Variants in FAM120B observed in about 807,000 individuals in gnomAD.
FAM120B encodes constitutive coactivator of peroxisome proliferator-activated receptor gamma.
Under a neutral mutation model 96.3 loss-of-function variants are expected in FAM120B, and 83 were observed. The ratio of observed to expected loss-of-function variants is 0.86; its 90% CI spans 0.72 to 1.03. The LOEUF (loss-of-function observed/expected upper bound fraction) is 1.03. Ranked by LOEUF, FAM120B falls within the 50% of genes least tolerant of loss-of-function variation. FAM120B has a pLI of 0.00. For synonymous variants in FAM120B, 407 were observed against 402.7 expected, an observed-to-expected ratio of 1.01 and a Z score of -0.13; for missense variants, 1,027 against 1,121.2, an observed-to-expected ratio of 0.92 and a Z score of 1.20.
At position 170,322,028 on chromosome 6, in the gene FAM120B, T is replaced by G. The variant is rs537070807; in HGVS notation, c.1735-1051T>G. ...AATCTAGATGAACTTATTCTCACAG[T>G]AATAAGAATGTTCTTCACTGGAAGG... On this transcript the variant is annotated intron_variant, in intron 2 of 10. Transcript: ENST00000476287. Among the ~76,000 whole-genome samples, 10 of 152,340 alleles carry G rather than the reference T, an allele frequency of 6.6e-5. No homozygotes were observed. In the East Asian group the frequency reaches 1.9e-3, roughly 29 times the overall value.
chr6:170,296,739 G>C (rs2114975685), intron 1 of FAM120B, among the ~76,000 whole-genome samples: 1 of 152,174 alleles, frequency 6.6e-6, no homozygotes, highest in Admixed American at 6.5e-5. Flanking sequence ...GCCAGGAGGT[G>C]CTGCAGGAGC....
intron 1 of FAM120B, among the ~76,000 whole-genome samples, chr6:170,315,118 G>T (rs1324399402): frequency 5.9e-5 from 9 of 152,266 alleles, no homozygotes; most frequent in Non-Finnish European, 1.3e-4. Flanking sequence ...CTGTCCAGGG[G>T]CTCTCCTGGG....
intron 6 of FAM120B, among the ~76,000 whole-genome samples, chr6:170,376,600 G>A (rs1789534129): frequency 1.3e-5 from 2 of 152,136 alleles, no homozygotes; most frequent in South Asian, 4.1e-4. Context: ...GTACCCACTG[G>A]GCCTGAACCT....
In FAM120B at chr6:170,404,932, TTTTGTTGGCTTCTCTC is replaced by T. The variant is rs1778754047; in HGVS notation, c.*182_*197del. On this transcript the variant is annotated 3_prime_UTR_variant, in exon 11 of 11. Transcript: ENST00000476287. ...TCTCCCTCCCATTGTGCAGAAGAGC[TTTTGTTGGCTTCTCTC>T]CCGAGCTTGTGCCTGATTCTGTGGC... 1 of 278,576 alleles carries T rather than the reference TTTTGTTGGCTTCTCTC, an allele frequency of 3.6e-6. No individual in the cohort carries two copies. Among genetic ancestry groups the T allele is most frequent in the Non-Finnish European group, 6.7e-6 (1 of 149,088 alleles). The allele number at this position is 278,576 out of a possible 1,614,324, so 17.3% of individuals were successfully genotyped here.
In FAM120B at chr6:170,399,816, G is replaced by A. The variant is rs4710808; in HGVS notation, c.2692+4237G>A. 7.4e-4 allele frequency among the ~76,000 whole-genome samples: 47 copies of A among 63,268 alleles called. 2 individuals are homozygous for A. Among genetic ancestry groups the A allele is most frequent in the Non-Finnish European group, 1.1e-3 (34 of 30,338 alleles). 41.5% of individuals were successfully genotyped at this position (63,268 alleles called of 152,430 possible). ...TGAGGAAGGTAGAACTATGTCATAAGCCTTAGGAGTGAGTGGGGAAGGTAG... is the reference window on the plus strand; with the variant it reads ...TGAGGAAGGTAGAACTATGTCATAAACCTTAGGAGTGAGTGGGGAAGGTAG... On this transcript the variant is annotated intron_variant, in intron 9 of 10. Coordinates refer to ENST00000476287, the MANE Select transcript of FAM120B (RefSeq NM_032448.3).
chr6:170,316,449 C>T (rs551840423), intron 1 of FAM120B, among the ~76,000 whole-genome samples: 2 of 152,308 alleles, frequency 1.3e-5, no homozygotes, highest in Non-Finnish European at 1.5e-5. Context: ...AATGTCAGCA[C>T]GGAGTTTTTC....
intron 6 of FAM120B, among the ~76,000 whole-genome samples, chr6:170,379,973 A>G (rs1789808538): frequency 2.0e-5 from 3 of 152,136 alleles, no homozygotes; most frequent in Admixed American, 2.0e-4. Flanking sequence ...CATCCCACAT[A>G]ACTGCAACTC....
intron 9 of FAM120B, among the ~76,000 whole-genome samples, chr6:170,400,339 A>C (rs912047044): frequency 6.6e-6 from 1 of 152,090 alleles, no homozygotes; most frequent in African/African-American, 2.4e-5. Context: ...ATCATCAAGA[A>C]CATGCCCCAT....
At chr6:170,327,259 G>A (rs1785654387) in intron 3 of FAM120B, among the ~76,000 whole-genome samples, 1 of 151,768 alleles carries the variant, frequency 6.6e-6, no homozygotes, top group Non-Finnish European at 1.5e-5. Flanking sequence ...TGTTAGCCAG[G>A]ATGATCTCGA....
chr6:170,353,455 A>T (rs1318250762), intron 5 of FAM120B, among the ~76,000 whole-genome samples: 1 of 152,214 alleles, frequency 6.6e-6, no homozygotes, highest in Non-Finnish European at 1.5e-5. Context: ...AAAGAAAGAA[A>T]ACTTCAGGCC....
rs1790310803 is a variant in FAM120B, at chr6:170,388,377, T to C, written c.2374T>C (p.Phe792Leu). The C allele has an allele frequency of 6.2e-7, 1 of 1,614,176 alleles. No individual in the cohort carries two copies. The highest frequency in any genetic ancestry group is 8.5e-7 in the Non-Finnish European group (1 of 1,180,024). Residue 792 changes from phenylalanine to leucine, a missense_variant, in exon 7 of 11, where the codon TTC becomes CTC. Coordinates refer to ENST00000476287, the MANE Select transcript of FAM120B (RefSeq NM_032448.3). Reference protein sequence around the residue: ...TLVLVNSACGFPWKTSDFMPW... With the variant: ...TLVLVNSACGLPWKTSDFMPW... Reference sequence around the variant, plus strand: ...GGTTTTAGTCAACAGCGCATGTGGCTTCCCCTGGAAGACGAGTGATTTCAT... The same window carrying C: ...GGTTTTAGTCAACAGCGCATGTGGCCTCCCCTGGAAGACGAGTGATTTCAT...
At chr6:170,291,022 G>A (rs1490699843), upstream of FAM120B, 1 of 701,988 alleles carries the variant, frequency 1.4e-6, no homozygotes, top group East Asian at 2.7e-5. Context: ...GGCGAGAGCT[G>A]TCACAAAGGA....
At chr6:170,357,424 C>T (rs1192565523) in intron 5 of FAM120B, among the ~76,000 whole-genome samples, 3 of 152,144 alleles carry the variant, frequency 2.0e-5, no homozygotes, top group African/African-American at 4.8e-5. Context: ...TACTCCACAC[C>T]AAGCAGTGTT....
intron 5 of FAM120B, among the ~76,000 whole-genome samples, chr6:170,352,116 C>T (rs1787619955): frequency 6.6e-6 from 1 of 151,952 alleles, no homozygotes; most frequent in Admixed American, 6.6e-5. Context: ...AAATGGAAAA[C>T]AGAAAAAAGC....
intron 3 of FAM120B, among the ~76,000 whole-genome samples, 187 bp from the exon 4 acceptor site, chr6:170,330,262 G>A (rs1785925509): frequency 6.6e-6 from 1 of 152,160 alleles, no homozygotes; most frequent in Non-Finnish European, 1.5e-5. Flanking sequence ...GTTCTTGATG[G>A]AATGAACAGA....
intron 6 of FAM120B, among the ~76,000 whole-genome samples, chr6:170,374,038 T>C (rs951052230): frequency 2.6e-5 from 4 of 152,184 alleles, no homozygotes; most frequent in Admixed American, 2.0e-4. Flanking sequence ...TCTACCTGGA[T>C]TTTTTACCCT....
chr6:170,293,764 C>A (rs750433747), upstream of FAM120B, among the ~76,000 whole-genome samples: 16 of 144,172 alleles, frequency 1.1e-4, no homozygotes, highest in Non-Finnish European at 1.4e-4. Flanking sequence ...TCCCCCATTT[C>A]TCTCCCCCCA....
intron 3 of FAM120B, among the ~76,000 whole-genome samples, chr6:170,325,273 A>AT (rs1024389142): frequency 1.3e-5 from 2 of 152,064 alleles, no homozygotes; most frequent in African/African-American, 4.8e-5. Flanking sequence ...ATGGTATGGT[A>AT]TTTTTTCTAT....
chr6:170,392,204 T>A (rs1018825559), intron 8 of FAM120B, among the ~76,000 whole-genome samples: 5 of 151,744 alleles, frequency 3.3e-5, no homozygotes, highest in African/African-American at 1.2e-4. Flanking sequence ...AGTCTGGGGG[T>A]TTTTTGCTTT....
Sources: allele counts gnomAD v4.1 joint callset (sites outside exome capture counted in the v4.1 genomes callset), GRCh38; gene constraint gnomAD v4.1.1; transcripts MANE v1.5; gene names NCBI Gene and HGNC (gene_info 2026-07-23, HGNC 2026-07-21).